Variants in GABRA5 observed in about 807,000 individuals in gnomAD.
GABRA5 encodes the protein gamma-aminobutyric acid type A receptor subunit alpha5.
A neutral mutation model predicts 47.3 loss-of-function variants in GABRA5; 18 were observed. The ratio of observed to expected loss-of-function variants is 0.38; its 90% CI spans 0.26 to 0.56. The LOEUF (loss-of-function observed/expected upper bound fraction) is 0.56. GABRA5 is among the 20% of genes least tolerant of loss of function. GABRA5 has a pLI of 0.71. For synonymous variants in GABRA5, 237 were observed against 229.3 expected (o/e 1.03, Z -0.30); for missense variants, 365 against 599.3 (o/e 0.61, Z 4.08).
intron 10 of GABRA5, among the ~76,000 whole-genome samples, chr15:26,947,163 G>T (rs1310096560): frequency 1.3e-5 from 2 of 152,202 alleles, no homozygotes; most frequent in Non-Finnish European, 2.9e-5. Flanking sequence ...CTTGCAGGGG[G>T]CAAGTCCTAA....
At chr15:26,944,566 T>C (rs1894466172) in intron 10 of GABRA5, among the ~76,000 whole-genome samples, 1 of 152,146 alleles carries the variant, frequency 6.6e-6, no homozygotes, top group African/African-American at 2.4e-5. Flanking sequence ...ACAGGAGTGA[T>C]CTGACTGCAC....
intron 3 of GABRA5, among the ~76,000 whole-genome samples, chr15:26,872,873 C>T (rs1163272005): frequency 6.6e-6 from 1 of 152,184 alleles, no homozygotes; most frequent in African/African-American, 2.4e-5. Context: ...GTGCAATGTA[C>T]TTGGTGATTA....
intron 6 of GABRA5, among the ~76,000 whole-genome samples, chr15:26,893,309 T>TGGTG (rs1893068655): frequency 1.4e-5 from 1 of 69,986 alleles, no homozygotes; most frequent in Non-Finnish European, 3.2e-5. Context: ...ATATGGTGTG[T>TGGTG]TGTGTGTATA....
rs563728074 is a variant in GABRA5, at chr15:26,921,827, C to T, written c.580+6942C>T. On this transcript the variant is annotated intron_variant, in intron 7 of 10. Transcript: ENST00000335625. ...TTCCATTAAATGTATTTCTAAATTT[C>T]CCTTAAGACTTTCCCTTTGACCCAC... is the stretch of plus-strand genomic sequence containing the variant. Among the ~76,000 whole-genome samples, 4 of 152,164 alleles carry T rather than the reference C, an allele frequency of 2.6e-5. No homozygotes were observed. In the South Asian group the frequency reaches 8.3e-4, roughly 32 times the overall value.
At chr15:26,916,931 CTT>C (rs1372000840) in intron 7 of GABRA5, among the ~76,000 whole-genome samples, 2 of 152,018 alleles carry the variant, frequency 1.3e-5, no homozygotes, top group African/African-American at 4.8e-5. Context: ...TATTGTGAAA[CTT>C]TAATGAATTT....
At chr15:26,941,599 C>T (rs776150618) in intron 9 of GABRA5, among the ~76,000 whole-genome samples, 1 of 152,110 alleles carries the variant, frequency 6.6e-6, no homozygotes, top group African/African-American at 2.4e-5. Flanking sequence ...CTGGGACTGC[C>T]GTAACCAAGT....
chr15:26,893,283 C>CGTGTGTTT (rs1893066399), intron 6 of GABRA5, among the ~76,000 whole-genome samples: 1 of 30,634 alleles, frequency 3.3e-5, no homozygotes, highest in Non-Finnish European at 7.1e-5. Context: ...GTGTGTATGG[C>CGTGTGTTT]ATATGGCGTG....
At chr15:26,925,753 G>A (rs1048907384) in intron 7 of GABRA5, among the ~76,000 whole-genome samples, 4 of 152,040 alleles carry the variant, frequency 2.6e-5, no homozygotes, top group Admixed American at 2.6e-4. Flanking sequence ...ATATTGTACA[G>A]GCTCTGGATT....
intron 6 of GABRA5, among the ~76,000 whole-genome samples, chr15:26,899,100 C>A (rs534735766): frequency 2.2e-4 from 33 of 152,222 alleles, no homozygotes; most frequent in Non-Finnish European, 4.0e-4. Flanking sequence ...TGGTTTCAAG[C>A]AATTCTCCTG....
At chr15:26,939,229 C>T in intron 8 of GABRA5, 1 of 765,202 alleles carries the variant, frequency 1.3e-6, no homozygotes, top group Non-Finnish European at 2.4e-6. Context: ...CCGACCTCAG[C>T]TCCTTACCAG....
intron 7 of GABRA5, among the ~76,000 whole-genome samples, chr15:26,918,660 A>G (rs1185531882): frequency 2.0e-5 from 3 of 152,128 alleles, no homozygotes; most frequent in Non-Finnish European, 2.9e-5. Context: ...TATAATTGTT[A>G]TATCTCTCTG....
At chr15:26,933,212 A>G (rs558251184) in intron 7 of GABRA5, among the ~76,000 whole-genome samples, 11 of 152,154 alleles carry the variant, frequency 7.2e-5, no homozygotes, top group Non-Finnish European at 1.6e-4. Context: ...ATTCCCATGA[A>G]GTCATTAGAA....
intron 3 of GABRA5, among the ~76,000 whole-genome samples, chr15:26,876,278 G>T (rs1892595334): frequency 6.6e-6 from 1 of 152,172 alleles, no homozygotes; most frequent in South Asian, 2.1e-4. Context: ...GGCTGGAGGT[G>T]TGGACCTGAG....
intron 6 of GABRA5, among the ~76,000 whole-genome samples, chr15:26,885,427 G>A (rs1239467678): frequency 2.0e-5 from 3 of 152,204 alleles, no homozygotes; most frequent in Non-Finnish European, 2.9e-5. Context: ...ATGCTGGCAG[G>A]TGGAAATGAG....
chr15:26,883,570 C>CGGGGGG lies in GABRA5; in HGVS notation c.497+18_497+19insGGGGGG. On this transcript the variant is annotated intron_variant, in intron 6 of 10. Coordinates refer to ENST00000335625, the MANE Select transcript of GABRA5 (RefSeq NM_000810.4). The surrounding 1 kb of genome is among the most constrained non-coding windows in gnomAD (Gnocchi z 4.8). ...TCTACACCATGCGGTGAGCGCCGGG[C>CGGGGGG]GGGGGCGGGCGGGGCCGGGGGACGG... 1 of 503,508 alleles carries CGGGGGG rather than the reference C, an allele frequency of 2.0e-6. No homozygotes were observed. Among genetic ancestry groups the CGGGGGG allele is most frequent in the Non-Finnish European group, 3.7e-6 (1 of 272,410 alleles). 31.2% of individuals were successfully genotyped at this position (503,508 alleles called of 1,614,324 possible). A position where few individuals can be genotyped will look rare whatever the true frequency, so the allele number is the denominator to read the frequency against.
chr15:26,933,593 G>C (rs1894161071), intron 7 of GABRA5, among the ~76,000 whole-genome samples: 1 of 152,160 alleles, frequency 6.6e-6, no homozygotes, highest in South Asian at 2.1e-4. Flanking sequence ...CATGGTCTCT[G>C]ACTCTCTCCC....
Position 26,883,678 on chromosome 15 carries a change from G to A in GABRA5, c.497+121G>A. 3 of 779,996 alleles carry A rather than the reference G, an allele frequency of 3.8e-6. No homozygotes were observed. The highest frequency in any genetic ancestry group is 1.9e-5 in the South Asian group (1 of 53,004). 48.3% of individuals were successfully genotyped at this position (779,996 alleles called of 1,614,324 possible). On this transcript the variant is annotated intron_variant, in intron 6 of 10. Coordinates refer to ENST00000335625, the MANE Select transcript of GABRA5 (RefSeq NM_000810.4). This position sits in a 1 kb window ranked among gnomAD's most constrained non-coding sequence, Gnocchi z 4.8. ...GACCATAGGTCTGAGACTGCGGCGC[G>A]TGTGTGCTGGGGGTTCCCCGTTGCC...
intron 6 of GABRA5, among the ~76,000 whole-genome samples, chr15:26,890,329 T>C (rs762018624): frequency 7.9e-5 from 12 of 152,120 alleles, no homozygotes; most frequent in Non-Finnish European, 1.5e-4. Context: ...AAAATGAACA[T>C]GAAATTTCTG....
At position 26,948,003 on chromosome 15, in the gene GABRA5, A is replaced by G; in HGVS notation, c.1159A>G (p.Asn387Asp). 1 of 1,600,692 alleles carries G rather than the reference A, an allele frequency of 6.2e-7. No individual in the cohort carries two copies. Among genetic ancestry groups the G allele is most frequent in the Non-Finnish European group, 8.5e-7 (1 of 1,173,096 alleles). The change falls in exon 11 of 11, where the codon AAC becomes GAC. Residue 387 changes from asparagine (N) to aspartate (D), a missense_variant. Transcript: ENST00000335625. Reference protein sequence around the residue: ...FTTGKMSHPPNIPKEQTPAGT... With the variant: ...FTTGKMSHPPDIPKEQTPAGT... The stretch of plus-strand genomic sequence containing the variant: ...AACTGGGAAGATGTCTCACCCCCCA[A>G]ACATTCCGAAGGAACAGACCCCAGC...
Sources: gnomAD v4.1 joint callset for allele counts (sites outside exome capture counted in the v4.1 genomes callset) on GRCh38, gnomAD v4.1.1 for gene constraint, Gnocchi (gnomAD v3.1) non-coding constraint, MANE v1.5 for transcripts, NCBI Gene and HGNC (gene_info 2026-07-23, HGNC 2026-07-21) for gene names.